Variants in IMMP2L observed in about 807,000 individuals in gnomAD.
IMMP2L encodes mitochondrial inner membrane protease subunit 2.
Under a neutral mutation model 19.3 loss-of-function variants are expected in IMMP2L, and 18 were observed. The ratio of observed to expected loss-of-function variants is 0.93; its 90% confidence interval spans 0.64 to 1.38. The LOEUF is 1.38. IMMP2L is among the 40% of genes most tolerant of loss of function. IMMP2L has a pLI of 0.00. For missense variants in IMMP2L, 233 were observed against 218.2 expected (o/e 1.07, Z -0.43); for synonymous variants, 76 against 73.0 (o/e 1.04, Z -0.21).
chr7:111,447,311 G>C (rs2131863300), intron 3 of IMMP2L, among the ~76,000 whole-genome samples: 1 of 114,272 alleles, frequency 8.8e-6, no homozygotes, highest in African/African-American at 3.9e-5. Flanking sequence ...CAGAGAGAAA[G>C]GTCGGATTAC....
At chr7:111,347,977 T>C (rs1285450654) in intron 3 of IMMP2L, among the ~76,000 whole-genome samples, 3 of 152,016 alleles carry the variant, frequency 2.0e-5, no homozygotes, top group Non-Finnish European at 2.9e-5. Flanking sequence ...GATGAGTTCA[T>C]GTCCTTTGTA....
At chr7:111,402,337 C>T (rs961660521) in intron 3 of IMMP2L, among the ~76,000 whole-genome samples, 5 of 151,808 alleles carry the variant, frequency 3.3e-5, no homozygotes, top group Non-Finnish European at 7.4e-5. Context: ...TATAGATTAC[C>T]TCATATAATG....
rs926134950 is a variant in IMMP2L at position 111,562,350 on chromosome 7, G to A, written c.-502C>T. On this transcript the variant is annotated 5_prime_UTR_variant, in exon 1 of 6. Coordinates refer to ENST00000405709, the MANE Select transcript of IMMP2L (RefSeq NM_032549.4). ...GCCGGGGCCGGGGCCGACTCCCAGG[G>A]AAGGGTCCCCAGCCCAAGAGACCAC... The A allele has an allele frequency of 6.6e-6, 1 of 151,636 alleles. No homozygotes were observed. Among genetic ancestry groups the A allele is most frequent in the Non-Finnish European group, 1.5e-5 (1 of 67,904 alleles). The allele number at this position is 151,636 out of a possible 1,614,324, so 9.4% of individuals were successfully genotyped here. A position where few individuals can be genotyped will look rare whatever the true frequency, so the allele number is the denominator to read the frequency against.
intron 3 of IMMP2L, among the ~76,000 whole-genome samples, chr7:111,168,178 T>C (rs763806851): frequency 6.6e-6 from 1 of 151,998 alleles, no homozygotes; most frequent in African/African-American, 2.4e-5. Context: ...TAATTTTGAG[T>C]GTTAAAATCA....
chr7:111,319,102 T>C (rs1824405830), intron 3 of IMMP2L, among the ~76,000 whole-genome samples: 1 of 152,108 alleles, frequency 6.6e-6, no homozygotes, highest in African/African-American at 2.4e-5. Context: ...TTACCAAATA[T>C]GTCTGTAGGA....
At chr7:111,297,111 A>G (rs1821719242) in intron 3 of IMMP2L, among the ~76,000 whole-genome samples, 2 of 152,082 alleles carry the variant, frequency 1.3e-5, no homozygotes, top group South Asian at 4.1e-4. Flanking sequence ...AATCTTTGGG[A>G]TAACAGGAAA....
intron 5 of IMMP2L, among the ~76,000 whole-genome samples, chr7:110,850,753 A>G (rs1034155611): frequency 1.4e-4 from 21 of 151,958 alleles, no homozygotes; most frequent in African/African-American, 5.1e-4. Context: ...ACTATAAAGA[A>G]AAGACTGATA....
intron 3 of IMMP2L, among the ~76,000 whole-genome samples, chr7:111,479,422 G>A (rs1260878189): frequency 6.6e-6 from 1 of 152,056 alleles, no homozygotes; most frequent in Admixed American, 6.6e-5. Flanking sequence ...ATCAGCCACT[G>A]ACTGATCTGT....
rs182421291 is a variant in IMMP2L, at chr7:110,957,906, G to A, written c.305+5594C>T. Among the ~76,000 whole-genome samples the A allele has an allele frequency of 4.0e-3, 602 of 151,936 alleles. 8 individuals are homozygous for A. Among genetic ancestry groups the A allele is most frequent in the Non-Finnish European group, 3.3e-3 (223 of 67,912 alleles). On this transcript the variant is annotated intron_variant, in intron 4 of 5. Coordinates refer to ENST00000405709, the MANE Select transcript of IMMP2L (RefSeq NM_032549.4). ...TTTCTTCATAGCACTTCTTACCCAT[G>A]ACATTGCATTATGTGTTATATATTT...
rs1175045309 is a variant in IMMP2L at position 111,557,913 on chromosome 7, A to G, written c.-3+3938T>C. On this transcript the variant is annotated intron_variant, in intron 1 of 5. Coordinates refer to ENST00000405709, the MANE Select transcript of IMMP2L (RefSeq NM_032549.4). ...AAATCAACTGGACTTTGAGTATAGA[A>G]AAAAAAACACCAGATCTTAAGAACG... is the stretch of plus-strand genomic sequence containing the variant. 2.0e-5 allele frequency among the ~76,000 whole-genome samples: 3 copies of G among 152,078 alleles called. No homozygotes were observed. In the East Asian group the frequency reaches 5.8e-4, roughly 29 times the overall value.
chr7:111,473,778 TAAAAC>T lies in IMMP2L; in HGVS notation c.239+13455_239+13459del, dbSNP rs370195408. Among the ~76,000 whole-genome samples, 255 of 152,262 alleles carry T rather than the reference TAAAAC, an allele frequency of 1.7e-3. 1 individual carries two copies. The highest frequency in any genetic ancestry group is 5.7e-3 in the African/African-American group (235 of 41,556). On this transcript the variant is annotated intron_variant, in intron 3 of 5. Coordinates refer to ENST00000405709, the MANE Select transcript of IMMP2L (RefSeq NM_032549.4). ...AAGTTTGGAGATTTCTTAAAGAACT[TAAAAC>T]AGAACTATCATTTGACCCACCAAAC... is the stretch of plus-strand genomic sequence containing the variant.
chr7:111,491,045 TCTC>T (rs887008992), intron 2 of IMMP2L, among the ~76,000 whole-genome samples: 5 of 152,004 alleles, frequency 3.3e-5, no homozygotes, highest in Non-Finnish European at 4.4e-5. Context: ...TCCTCTTCTT[TCTC>T]CTCCTCCTCC....
At chr7:111,175,467 T>C (rs1202219805) in intron 3 of IMMP2L, among the ~76,000 whole-genome samples, 6 of 151,948 alleles carry the variant, frequency 3.9e-5, no homozygotes, top group East Asian at 3.9e-4. Flanking sequence ...GAGAAATCTA[T>C]GTTTATGCAA....
chr7:111,456,688 A>G (rs1839704329), intron 3 of IMMP2L, among the ~76,000 whole-genome samples: 1 of 151,526 alleles, frequency 6.6e-6, no homozygotes. Flanking sequence ...GAAGGCTACA[A>G]TATTGCCTAG....
chr7:111,358,428 C>A (rs1828928842), intron 3 of IMMP2L, among the ~76,000 whole-genome samples: 1 of 141,156 alleles, frequency 7.1e-6, no homozygotes, highest in South Asian at 2.1e-4. Flanking sequence ...TGATTCTGAC[C>A]TACCTAAGGA....
intron 5 of IMMP2L, among the ~76,000 whole-genome samples, chr7:110,750,839 C>T (rs1562955060): frequency 6.6e-6 from 1 of 151,858 alleles, no homozygotes; most frequent in African/African-American, 2.4e-5. Flanking sequence ...CACATGCACA[C>T]AAAAATCCCC....
intron 3 of IMMP2L, among the ~76,000 whole-genome samples, chr7:111,335,397 A>C (rs570341875): frequency 3.3e-5 from 5 of 152,264 alleles, no homozygotes; most frequent in African/African-American, 1.2e-4. Context: ...AACAAAGCTA[A>C]ATGGCAAATG....
rs369291682 is a variant in IMMP2L, at chr7:110,845,385, G to T, written c.408+41208C>A. On this transcript the variant is annotated intron_variant, in intron 5 of 5. Transcript: ENST00000405709. ...AAAGGGAGTAGGATAGAGCCTGCTC[G>T]TCTGTGTTTTTAAAAAGCTCCCAGC... is the stretch of plus-strand genomic sequence containing the variant. Among the ~76,000 whole-genome samples the T allele has an allele frequency of 1.8e-4, 28 of 152,192 alleles. No individual in the cohort carries two copies. The South Asian group carries it at 5.8e-3, about 32-fold the overall frequency.
chr7:110,668,669 G>A (rs970118798), intron 5 of IMMP2L, among the ~76,000 whole-genome samples: 1 of 151,886 alleles, frequency 6.6e-6, no homozygotes, highest in Non-Finnish European at 1.5e-5. Context: ...TACTACTCTT[G>A]CTTCCTGAAA....
Sources: allele counts gnomAD v4.1 joint callset (sites outside exome capture counted in the v4.1 genomes callset), GRCh38; gene constraint gnomAD v4.1.1; transcripts MANE v1.5; gene names NCBI Gene and HGNC (gene_info 2026-07-23, HGNC 2026-07-21).